Variants in DUX4 observed in about 807,000 individuals in gnomAD.
DUX4 encodes double homeobox protein 4.
At chr4:190,176,770 T>A (rs1742320669), downstream of DUX4, among the ~76,000 whole-genome samples, 1 of 125,668 alleles carries the variant, frequency 8.0e-6, no homozygotes, top group Non-Finnish European at 1.8e-5. Flanking sequence ...CAGAGATATG[T>A]ACCAGTGTCC....
chr4:190,177,384 T>C (rs1742363595), downstream of DUX4, among the ~76,000 whole-genome samples: 20 of 136,580 alleles, frequency 1.5e-4, no homozygotes, highest in East Asian at 4.4e-4. Context: ...AGTGCAGAAA[T>C]ATGTCACAAA....
chr4:190,176,820 A>C (rs1742323392), downstream of DUX4, among the ~76,000 whole-genome samples: 3 of 126,834 alleles, frequency 2.4e-5, no homozygotes, highest in Non-Finnish European at 5.4e-5. Context: ...ATCACCTCAG[A>C]GATCAGTGCA....
downstream of DUX4, among the ~76,000 whole-genome samples, chr4:190,177,040 A>G (rs1742338007): frequency 5.2e-4 from 76 of 147,384 alleles, no homozygotes; most frequent in Middle Eastern, 3.5e-3. Flanking sequence ...CAGTGCAGAG[A>G]TATGTCACAA....
intron 1 of DUX4, among the ~76,000 whole-genome samples, chr4:190,181,522 T>TTACATCACC (rs1742577695): frequency 6.6e-6 from 1 of 150,732 alleles, no homozygotes; most frequent in Non-Finnish European, 1.5e-5. Context: ...TGGACAAGAG[T>TTACATCACC]TACATCACCT....
chr4:190,176,548 T>C (rs1243134525), downstream of DUX4, among the ~76,000 whole-genome samples: 29 of 102,488 alleles, frequency 2.8e-4, 10 homozygotes, highest in Admixed American at 3.0e-3. Flanking sequence ...TCACCTAGTT[T>C]ATCAGTGTAA....
At chr4:190,179,378 C>A (rs1579835432), downstream of DUX4, among the ~76,000 whole-genome samples, 4 of 150,308 alleles carry the variant, frequency 2.7e-5, no homozygotes, top group South Asian at 2.1e-4. Flanking sequence ...TCGCAATGCC[C>A]CTGTAGGCAG....
downstream of DUX4, among the ~76,000 whole-genome samples, chr4:190,178,025 T>G (rs1742400123): frequency 0.07 from 3,117 of 44,738 alleles, 1 homozygote; most frequent in Admixed American, 0.13. Context: ...TGTAAGCAGA[T>G]CCCAGACAAG....
At chr4:190,177,720 G>C (rs1742382098), downstream of DUX4, among the ~76,000 whole-genome samples, 139 of 133,420 alleles carry the variant, frequency 1.0e-3, no homozygotes, top group South Asian at 3.4e-3. Context: ...GATCACTGCA[G>C]AGATATATCA....
chr4:190,180,148 G>T (rs1579836590), downstream of DUX4, among the ~76,000 whole-genome samples: 95 of 45,330 alleles, frequency 2.1e-3, no homozygotes, highest in African/African-American at 3.5e-3. Context: ...GCCTAGAGAA[G>T]AGTCCCATCA....
intron 1 of DUX4, among the ~76,000 whole-genome samples, chr4:190,181,637 T>C (rs1742588008): frequency 0.013 from 101 of 7,800 alleles, no homozygotes; most frequent in Non-Finnish European, 0.015. Context: ...AAGCCCCCTG[T>C]AGGCAGAGCC....
downstream of DUX4, among the ~76,000 whole-genome samples, chr4:190,177,396 C>CT (rs1742364469): frequency 1.8e-4 from 2 of 11,090 alleles, no homozygotes; most frequent in Admixed American, 1.0e-3. Flanking sequence ...TGTCACAAAG[C>CT]CCCTGTAGGT....
downstream of DUX4, chr4:190,175,898 G>T (rs1302145815): frequency 1.5e-5 from 2 of 129,044 alleles, 1 homozygote. Context: ...AATATCCCCT[G>T]TAGAAAAAGC....
downstream of DUX4, among the ~76,000 whole-genome samples, chr4:190,177,346 A>G: frequency 1.5e-5 from 2 of 135,140 alleles, no homozygotes; most frequent in Admixed American, 7.5e-5. Flanking sequence ...GGCAGAGCCT[A>G]GACAAGAGTT....
chr4:190,182,408 G>GTTAGGC (rs1742614381), intron 1 of DUX4, among the ~76,000 whole-genome samples: 2 of 53,892 alleles, frequency 3.7e-5, no homozygotes, highest in African/African-American at 8.6e-5. Flanking sequence ...AGGGGTTAGG[G>GTTAGGC]TTAGGGGTTA....
chr4:190,182,339 G>T (rs1408665812), intron 1 of DUX4, among the ~76,000 whole-genome samples: 1 of 95,282 alleles, frequency 1.0e-5, no homozygotes, highest in Admixed American at 1.4e-4. Flanking sequence ...TAGGGTTCAG[G>T]TTCAAGTTTG....
chr4:190,177,929 T>C (rs1742395579), downstream of DUX4, among the ~76,000 whole-genome samples: 117 of 117,758 alleles, frequency 9.9e-4, no homozygotes, highest in East Asian at 2.7e-3. Context: ...AGTGTGGAGA[T>C]ATGTCACAAT....
chr4:190,179,555 G>A (rs1579835653), downstream of DUX4, among the ~76,000 whole-genome samples: 2,965 of 95,990 alleles, frequency 0.031, no homozygotes, highest in East Asian at 0.061. Flanking sequence ...TCACCTGGGT[G>A]ATCAGTGCAG....
At chr4:190,177,188 A>ATGCCCTTG (rs1742349389), downstream of DUX4, among the ~76,000 whole-genome samples, 4 of 105,434 alleles carry the variant, frequency 3.8e-5, no homozygotes. Flanking sequence ...CTATGTCAAA[A>ATGCCCTTG]CGCCCCTGTA....
At chr4:190,177,198 A>AGGCAGAGCCT (rs1742350992), downstream of DUX4, among the ~76,000 whole-genome samples, 1 of 90,974 alleles carries the variant, frequency 1.1e-5, no homozygotes, top group Non-Finnish European at 2.3e-5. Flanking sequence ...ACGCCCCTGT[A>AGGCAGAGCCT]GGCAGAGCCT....
Sources: gnomAD v4.1 joint callset for allele counts (sites outside exome capture counted in the v4.1 genomes callset) on GRCh38, gnomAD v4.1.1 for gene constraint, MANE v1.5 for transcripts, NCBI Gene and HGNC (gene_info 2026-07-23, HGNC 2026-07-21) for gene names.